NAA11: variants seen among roughly 807,000 people sequenced by gnomAD.
NAA11 encodes N-alpha-acetyltransferase 11.
NAA11 carries 15 observed loss-of-function variants against 16.1 expected under a neutral mutation model. The observed-to-expected ratio is 0.93, with a 90% CI of 0.62 to 1.44. The LOEUF is 1.44. NAA11 is among the 40% of genes most tolerant of loss of function. The probability of loss-of-function intolerance (pLI) is 0.00; values close to 1 mark genes in which losing one functional copy is unlikely to be tolerated. For missense variants in NAA11, 298 were observed against 291.3 expected, an observed-to-expected ratio of 1.02 and a Z score of -0.17; for synonymous variants, 122 against 112.4, an observed-to-expected ratio of 1.09 and a Z score of -0.54.
At chr4:79,306,399 TCA>T (rs1436260889) in intron 1 of NAA11, among the ~76,000 whole-genome samples, 1 of 152,190 alleles carries the variant, frequency 6.6e-6, no homozygotes, top group Non-Finnish European at 1.5e-5. Context: ...CCCTGTATCT[TCA>T]CACAGTCTTT....
At position 79,243,388 on chromosome 4, in the gene NAA11, C is replaced by T. The variant is rs900726060; in HGVS notation, c.*123-17118G>A. Among the ~76,000 whole-genome samples, 9 of 152,342 alleles carry T rather than the reference C, an allele frequency of 5.9e-5. 1 individual carries two copies. In the South Asian group the frequency reaches 1.9e-3, roughly 32 times the overall value. ...ATATGGGATTCATGTCCATCCCCCA[C>T]ATATGCGCTTACACCAATAATGCTT... On this transcript the variant is annotated intron_variant and NMD_transcript_variant, in intron 2 of 2. Transcript: ENST00000511542.
At chr4:79,318,304 C>G (rs1723987704) in intron 1 of NAA11, among the ~76,000 whole-genome samples, 1 of 152,114 alleles carries the variant, frequency 6.6e-6, no homozygotes, top group Non-Finnish European at 1.5e-5. Context: ...ACCAAAATAA[C>G]CATAATGTTT....
the NAA11 span, among the ~76,000 whole-genome samples, chr4:79,174,183 T>C: frequency 6.6e-6 from 1 of 152,128 alleles, no homozygotes; most frequent in Non-Finnish European, 1.5e-5. Flanking sequence ...GAATACAATT[T>C]TGAGAAAAAA....
the NAA11 span, among the ~76,000 whole-genome samples, chr4:79,203,040 A>C: frequency 6.6e-6 from 1 of 151,606 alleles, no homozygotes; most frequent in Non-Finnish European, 1.5e-5. Flanking sequence ...CCATAATTAA[A>C]ATTTTTGTGC....
chr4:79,300,532 A>T lies in NAA11; in HGVS notation c.*13-6418T>A, dbSNP rs951173694. Among the ~76,000 whole-genome samples, 3 of 152,230 alleles carry T rather than the reference A, an allele frequency of 2.0e-5. No individual in the cohort carries two copies. In the South Asian group the frequency reaches 6.2e-4, roughly 32 times the overall value. ...GATAAATGTCCACCATATGTTTGGA[A>T]TTTTGCTAAGAACTATACAGGGCAG... On this transcript the variant is annotated intron_variant and NMD_transcript_variant, in intron 1 of 2. Coordinates refer to the NAA11 transcript ENST00000511542.
chr4:79,324,445 G>A (rs926787446), intron 1 of NAA11, among the ~76,000 whole-genome samples: 3 of 152,138 alleles, frequency 2.0e-5, no homozygotes, highest in African/African-American at 7.2e-5. Flanking sequence ...AAGTTTAACA[G>A]AAAATGCTTC....
intron 1 of NAA11, chr4:79,308,836 A>G (rs1723669204): frequency 6.6e-6 from 1 of 152,092 alleles, no homozygotes; most frequent in Admixed American, 6.5e-5. Context: ...TTCACCAACA[A>G]TCAACTAATG....
the NAA11 span, among the ~76,000 whole-genome samples, chr4:79,198,625 G>A: frequency 1.3e-5 from 2 of 151,878 alleles, no homozygotes; most frequent in Admixed American, 1.3e-4. Context: ...AGGAGACAGT[G>A]TAGAATCCTT....
intron 2 of NAA11, chr4:79,227,597 A>C (rs1405844765): frequency 6.6e-6 from 1 of 152,042 alleles, no homozygotes; most frequent in African/African-American, 2.4e-5. Flanking sequence ...TGATGGTTTC[A>C]CTTTGGTTAC....
chr4:79,194,746 C>T, the NAA11 span, among the ~76,000 whole-genome samples: 1 of 152,084 alleles, frequency 6.6e-6, no homozygotes, highest in African/African-American at 2.4e-5. Flanking sequence ...AAACACTTTT[C>T]ATAATGCCTG....
At chr4:79,167,272 G>GAGAA in the NAA11 span, among the ~76,000 whole-genome samples, 2 of 102,414 alleles carry the variant, frequency 2.0e-5, no homozygotes, top group Non-Finnish European at 3.8e-5. Flanking sequence ...TATATATATA[G>GAGAA]AGAGAGAGAG....
intron 2 of NAA11, among the ~76,000 whole-genome samples, chr4:79,262,048 A>C (rs1218774519): frequency 1.3e-5 from 2 of 152,156 alleles, no homozygotes; most frequent in East Asian, 3.8e-4. Flanking sequence ...ATATCTTTTG[A>C]ATATAATGGT....
At chr4:79,186,235 C>CA in the NAA11 span, among the ~76,000 whole-genome samples, 1 of 152,114 alleles carries the variant, frequency 6.6e-6, no homozygotes, top group African/African-American at 2.4e-5. Context: ...AATATATTAT[C>CA]AAAATACCTG....
chr4:79,237,331 G>A (rs1721591221), intron 2 of NAA11, among the ~76,000 whole-genome samples: 1 of 152,158 alleles, frequency 6.6e-6, no homozygotes, highest in Non-Finnish European at 1.5e-5. Context: ...GGAGTTAGGT[G>A]TCTAGAGATG....
the NAA11 span, among the ~76,000 whole-genome samples, chr4:79,174,961 G>A: frequency 6.6e-6 from 1 of 152,050 alleles, no homozygotes; most frequent in South Asian, 2.1e-4. Flanking sequence ...AAGAGAAAAA[G>A]GCTCTTCTTG....
chr4:79,300,024 A>G (rs1405818033), intron 1 of NAA11, among the ~76,000 whole-genome samples: 1 of 152,186 alleles, frequency 6.6e-6, no homozygotes, highest in African/African-American at 2.4e-5. Flanking sequence ...TCATGCTTTA[A>G]CATGCCCAGT....
chr4:79,189,144 T>TAAAAAAAAAAAAAAAA, the NAA11 span, among the ~76,000 whole-genome samples: 3 of 2,746 alleles, frequency 1.1e-3, no homozygotes, highest in Non-Finnish European at 3.1e-3. Context: ...AGACTCCATC[T>TAAAAAAAAAAAAAAAA]CAAAAAAAAA....
At chr4:79,292,453 C>T (rs1177958985) in intron 2 of NAA11, among the ~76,000 whole-genome samples, 1 of 152,158 alleles carries the variant, frequency 6.6e-6, no homozygotes, top group Admixed American at 6.5e-5. Context: ...GAAGCTAAAA[C>T]AGAATAGAGT....
At chr4:79,320,150 G>T (rs369191734) in intron 1 of NAA11, among the ~76,000 whole-genome samples, 79 of 152,280 alleles carry the variant, frequency 5.2e-4, no homozygotes, top group African/African-American at 1.8e-3. Flanking sequence ...GTTTTGAACT[G>T]ACCTGTCTTC....
Sources: allele counts gnomAD v4.1 joint callset (sites outside exome capture counted in the v4.1 genomes callset), GRCh38; gene constraint gnomAD v4.1.1; transcripts MANE v1.5; gene names NCBI Gene and HGNC (gene_info 2026-07-23, HGNC 2026-07-21).